The following SLC26A11 variants were observed in gnomAD, a reference collection of about 807,000 sequenced individuals.
The protein encoded by SLC26A11 is solute carrier family 26 member 11.
Under a neutral mutation model 62.2 loss-of-function variants are expected in SLC26A11, and 58 were observed. That is an observed-to-expected ratio of 0.93 (90% CI 0.76 to 1.16). The LOEUF (loss-of-function observed/expected upper bound fraction) is 1.16, where lower values mean the gene tolerates loss of function less well. Among genes scored for constraint, SLC26A11 ranks in the 50% most tolerant of loss-of-function variants. SLC26A11 has a pLI of 0.00. For missense variants in SLC26A11, 790 were observed against 794.3 expected, an observed-to-expected ratio of 0.99 and a Z score of 0.06; for synonymous variants, 411 against 368.9, an observed-to-expected ratio of 1.11 and a Z score of -1.31.
intron 2 of SLC26A11, chr17:80,221,339 A>C: frequency 2.0e-6 from 1 of 502,414 alleles, no homozygotes; most frequent in Non-Finnish European, 3.5e-6. Flanking sequence ...ATTCAGGGAG[A>C]GAGGGTGATG....
chr17:80,224,767 C>T (rs538138496), intron 5 of SLC26A11, among the ~76,000 whole-genome samples: 40 of 152,128 alleles, frequency 2.6e-4, no homozygotes, highest in Middle Eastern at 3.4e-3. Context: ...GAGTGGAGAG[C>T]GGAGAGTGGA....
chr17:80,229,955 G>A (rs1341617028), intron 7 of SLC26A11, among the ~76,000 whole-genome samples: 1 of 152,098 alleles, frequency 6.6e-6, no homozygotes, highest in African/African-American at 2.4e-5. Context: ...TGTAATCCCA[G>A]CACTTTGGGA....
Position 80,248,693 on chromosome 17 carries a change from AG to A in SLC26A11, c.1522+21del. On this transcript the variant is annotated intron_variant, in intron 15 of 17. Transcript: ENST00000361193. ...CTGGAAGGTGCATGGGCGGGGGTCA[AG>A]GTGGTCTGAGGTCACTCCCCTGTCC... 3 of 1,552,144 alleles carry A rather than the reference AG, an allele frequency of 1.9e-6. No homozygotes were observed. The highest frequency in any genetic ancestry group is 1.7e-6 in the Non-Finnish European group (2 of 1,147,092).
In SLC26A11 at chr17:80,222,640, C is replaced by G. The variant is rs373016630; in HGVS notation, c.235-15C>G. On this transcript the variant is annotated splice_polypyrimidine_tract_variant and intron_variant, in intron 3 of 17. Coordinates refer to ENST00000361193, the MANE Select transcript of SLC26A11 (RefSeq NM_001166347.2). The surrounding 1 kb of genome is among the most constrained non-coding windows in gnomAD (Gnocchi z 4.7). Reference sequence around the variant, plus strand: ...CCTCGGCCTCCTGAGTGCTCACCACCCTCTCTCCCCACAGTATGGCCTCTA... The same window carrying G: ...CCTCGGCCTCCTGAGTGCTCACCACGCTCTCTCCCCACAGTATGGCCTCTA... 6.2e-7 allele frequency: 1 copy of G among 1,610,722 alleles called. No individual in the cohort carries two copies. Among genetic ancestry groups the G allele is most frequent in the African/African-American group, 1.3e-5 (1 of 74,972 alleles).
chr17:80,252,543 C>T lies in SLC26A11; in HGVS notation c.1730-82C>T. ...CACACCTTCCAGGACTCTGGAAGGCCCTCCTTAATCCCTTCCTGTGAACTG... is the reference window on the plus strand; with the variant it reads ...CACACCTTCCAGGACTCTGGAAGGCTCTCCTTAATCCCTTCCTGTGAACTG... On this transcript the variant is annotated intron_variant, in intron 17 of 17. Coordinates refer to ENST00000361193, the MANE Select transcript of SLC26A11 (RefSeq NM_001166347.2). This position sits in a 1 kb window ranked among gnomAD's most constrained non-coding sequence, Gnocchi z 5.2. 1.5e-6 allele frequency: 2 copies of T among 1,336,562 alleles called. No homozygotes were observed. Among genetic ancestry groups the T allele is most frequent in the Non-Finnish European group, 2.1e-6 (2 of 951,640 alleles). The allele number at this position is 1,336,562 out of a possible 1,614,324, so 82.8% of individuals were successfully genotyped here. A position where few individuals can be genotyped will look rare whatever the true frequency, so the allele number is the denominator to read the frequency against.
chr17:80,247,729 T>C (rs2043046038), intron 13 of SLC26A11, among the ~76,000 whole-genome samples: 1 of 152,196 alleles, frequency 6.6e-6, no homozygotes, highest in South Asian at 2.1e-4. Flanking sequence ...GCCTGACCTA[T>C]GCGTGCGGTG....
chr17:80,245,236 G>C lies in SLC26A11; in HGVS notation c.1077G>C (p.Pro359=). ...NMLGSLVSSY[P]VTGSFGRTAV... ...TGGGCTCCCTCGTCTCCTCCTACCC[G>C]GTCACAGGCAGCTTTGGACGGTGAG... Residue 359 remains proline, a synonymous_variant, in exon 11 of 18, where the codon CCG becomes CCC. Transcript: ENST00000361193. The C allele has an allele frequency of 6.2e-7, 1 of 1,613,766 alleles. No individual in the cohort carries two copies. Among genetic ancestry groups the C allele is most frequent in the Non-Finnish European group, 8.5e-7 (1 of 1,179,948 alleles).
At chr17:80,236,887 C>A in intron 7 of SLC26A11, 41 bp from the exon 8 acceptor site, 1 of 1,579,014 alleles carries the variant, frequency 6.3e-7, no homozygotes, top group Non-Finnish European at 8.7e-7. Flanking sequence ...CCCACACTCG[C>A]CGGGAGCAGG....
chr17:80,233,971 T>C, intron 7 of SLC26A11, among the ~76,000 whole-genome samples: 1 of 152,144 alleles, frequency 6.6e-6, no homozygotes, highest in East Asian at 1.9e-4. Flanking sequence ...TAGACTTTTT[T>C]TTTTCTTTCA....
intron 9 of SLC26A11, among the ~76,000 whole-genome samples, 175 bp from the exon 10 acceptor site, chr17:80,241,596 T>A (rs1356101933): frequency 6.6e-6 from 1 of 152,238 alleles, no homozygotes; most frequent in African/African-American, 2.4e-5. Flanking sequence ...CACTCTGTGA[T>A]ACATTCAAGC....
chr17:80,246,781 C>A lies in SLC26A11; in HGVS notation c.1294+132C>A. On this transcript the variant is annotated intron_variant, in intron 13 of 17. Transcript: ENST00000361193. This position sits in a 1 kb window ranked among gnomAD's most constrained non-coding sequence, Gnocchi z 4.4. ...CTGGGAAGTTAGGGCAGTCCCGGAA[C>A]AGAGAAGTGGATGGCCAGGAGATGG... The A allele has an allele frequency of 8.2e-7, 1 of 1,222,116 alleles. No individual in the cohort carries two copies. The highest frequency in any genetic ancestry group is 1.1e-6 in the Non-Finnish European group (1 of 884,816). The allele number at this position is 1,222,116 out of a possible 1,614,324, so 75.7% of individuals were successfully genotyped here.
Position 80,228,566 on chromosome 17 carries a change from A to G in SLC26A11, c.736+606A>G, listed in dbSNP as rs912229279. ...TTTTGCCCCCTGGTGACACGTGGCA[A>G]TGTTGGGAAACATTTTTGGTGGATA... On this transcript the variant is annotated intron_variant, in intron 7 of 17. Coordinates refer to ENST00000361193, the MANE Select transcript of SLC26A11 (RefSeq NM_001166347.2). The surrounding 1 kb of genome is among the most constrained non-coding windows in gnomAD (Gnocchi z 4.1). Among the ~76,000 whole-genome samples the G allele has an allele frequency of 1.3e-5, 2 of 152,236 alleles. No homozygotes were observed. Among genetic ancestry groups the G allele is most frequent in the Admixed American group, 6.5e-5 (1 of 15,288 alleles).
intron 16 of SLC26A11, among the ~76,000 whole-genome samples, chr17:80,249,719 A>T (rs907814540): frequency 4.6e-5 from 7 of 152,010 alleles, no homozygotes; most frequent in Non-Finnish European, 5.9e-5. Flanking sequence ...CAGCCTGGCC[A>T]ACATGGTGAA....
intron 3 of SLC26A11, 179 bp downstream of exon 3, chr17:80,221,973 C>T (rs12946329): frequency 0.36 from 233,605 of 647,556 alleles, 42,687 homozygotes; most frequent in Admixed American, 0.52. Context: ...GCCTGTTTGG[C>T]ACACACAGAC....
At chr17:80,221,514 C>CT (rs2042189950) in intron 2 of SLC26A11, 34 bp from the exon 3 acceptor site, 1 of 1,456,938 alleles carries the variant, frequency 6.9e-7, no homozygotes, top group Admixed American at 2.3e-5. Context: ...AGGCCACGCT[C>CT]TGACTGCTGG....
chr17:80,237,164 C>CCTACCCTGATGTATCTGCTGGG, intron 8 of SLC26A11, 61 bp downstream of exon 8: 1 of 1,561,902 alleles, frequency 6.4e-7, no homozygotes, highest in Non-Finnish European at 8.7e-7. Context: ...TGGCCTGGCT[C>CCTACCCTGATGTATCTGCTGGG]CTACCCTGAT....
chr17:80,225,879 C>A lies in SLC26A11; in HGVS notation c.556C>A (p.Gln186Lys), dbSNP rs547334278. The change falls in exon 6 of 18, where the codon CAG becomes AAG. Residue 186 changes from glutamine to lysine, a missense_variant. Physicochemically the swap from Gln to Lys is moderately conservative, Grantham distance 53 (BLOSUM62 1). Coordinates refer to ENST00000361193, the MANE Select transcript of SLC26A11 (RefSeq NM_001166347.2). ...GAACATCCCCAGGCCGTTCTTCCTG[C>A]AGGTGTACCACACCTTCCTCAGGAT... is the stretch of plus-strand genomic sequence containing the variant. ...LQNIPRPFFL[Q>K]VYHTFLRIAE... The A allele has an allele frequency of 2.3e-5, 37 of 1,614,016 alleles. 2 individuals carry two copies. In the South Asian group the frequency reaches 3.6e-4, roughly 16 times the overall value.
chr17:80,245,821 G>T (rs2042977995), intron 11 of SLC26A11, among the ~76,000 whole-genome samples: 1 of 152,212 alleles, frequency 6.6e-6, no homozygotes, highest in East Asian at 1.9e-4. Context: ...AGGAGAGAAG[G>T]AGGCGTCACC....
Position 80,222,922 on chromosome 17 carries a change from C to CGTGTGCGTGT in SLC26A11, c.427+86_427+95dup. On this transcript the variant is annotated intron_variant, in intron 4 of 17. Coordinates refer to ENST00000361193, the MANE Select transcript of SLC26A11 (RefSeq NM_001166347.2). The surrounding 1 kb of genome is among the most constrained non-coding windows in gnomAD (Gnocchi z 4.7). Reference sequence around the variant, plus strand: ...CTTGTTTGCATTTCAAGTCTATCCCCGTGTGCGTGTGTGTGCGTGTTGGGG... The same window carrying CGTGTGCGTGT: ...CTTGTTTGCATTTCAAGTCTATCCCCGTGTGCGTGTGTGTGCGTGTGTGTGCGTGTTGGGG... The CGTGTGCGTGT allele has an allele frequency of 7.4e-7, 1 of 1,343,290 alleles. No homozygotes were observed. Among genetic ancestry groups the CGTGTGCGTGT allele is most frequent in the Non-Finnish European group, 9.9e-7 (1 of 1,006,986 alleles). 83.2% of individuals were successfully genotyped at this position (1,343,290 alleles called of 1,614,324 possible).
Sources: gnomAD v4.1 joint callset for allele counts (sites outside exome capture counted in the v4.1 genomes callset) on GRCh38, gnomAD v4.1.1 for gene constraint, Gnocchi (gnomAD v3.1) non-coding constraint, MANE v1.5 for transcripts, NCBI Gene and HGNC (gene_info 2026-07-23, HGNC 2026-07-21) for gene names.